Variants in PLCB1 observed in about 807,000 individuals in gnomAD.
The protein encoded by PLCB1 is 1-phosphatidylinositol 4,5-bisphosphate phosphodiesterase beta-1.
In PLCB1, 46 loss-of-function variants were observed where a neutral mutation model predicts 161.8. That is an observed-to-expected ratio of 0.28 (90% CI 0.22 to 0.36). PLCB1 has a LOEUF of 0.36. Ranked by LOEUF, PLCB1 falls within the 10% of genes least tolerant of loss-of-function variation. PLCB1 has a pLI of 1.00. For synonymous variants in PLCB1, 517 were observed against 503.7 expected (o/e 1.03, Z -0.35); for missense variants, 1,016 against 1,472.5 (o/e 0.69, Z 5.07).
At chr20:8,604,755 A>G (rs983855237) in intron 3 of PLCB1, among the ~76,000 whole-genome samples, 2 of 152,218 alleles carry the variant, frequency 1.3e-5, no homozygotes, top group Non-Finnish European at 2.9e-5. Context: ...CAAGAGGTCT[A>G]TTCACATTGC....
intron 27 of PLCB1, among the ~76,000 whole-genome samples, chr20:8,784,764 T>A (rs185915297): frequency 1.7e-3 from 257 of 152,290 alleles, no homozygotes; most frequent in Middle Eastern, 0.01. Context: ...GTTTAAAAAA[T>A]ACACCTGGAT....
At chr20:8,302,781 A>G (rs1321692034) in intron 2 of PLCB1, among the ~76,000 whole-genome samples, 7 of 152,128 alleles carry the variant, frequency 4.6e-5, no homozygotes, top group African/African-American at 1.7e-4. Flanking sequence ...TCAGAAGACA[A>G]AATTATTTCT....
intron 4 of PLCB1, among the ~76,000 whole-genome samples, chr20:8,640,396 C>G (rs1425832015): frequency 6.6e-6 from 1 of 152,124 alleles, no homozygotes; most frequent in African/African-American, 2.4e-5. Context: ...GTGATCTCTT[C>G]AAATGGAATT....
chr20:8,372,358 A>G (rs1237500985), intron 3 of PLCB1, among the ~76,000 whole-genome samples: 2 of 152,208 alleles, frequency 1.3e-5, no homozygotes, highest in Non-Finnish European at 1.5e-5. Flanking sequence ...CAAGAAAAAA[A>G]AATCACCTGG....
chr20:8,662,035 TTATATAATTA>T (rs1163082475), intron 9 of PLCB1, among the ~76,000 whole-genome samples: 5 of 59,502 alleles, frequency 8.4e-5, no homozygotes, highest in African/African-American at 3.7e-4. Context: ...CAATTATTTA[TTATATAATTA>T]TATATAATTA....
At chr20:8,756,276 T>C (rs2123560761) in intron 23 of PLCB1, among the ~76,000 whole-genome samples, 1 of 152,338 alleles carries the variant, frequency 6.6e-6, no homozygotes, top group South Asian at 2.1e-4. Context: ...AGTAAACACC[T>C]GTCTTCATCT....
intron 4 of PLCB1, 148 bp downstream of exon 4, chr20:8,628,579 C>A: frequency 1.4e-6 from 1 of 708,722 alleles, no homozygotes; most frequent in Non-Finnish European, 2.3e-6. Context: ...AGTATAAGTG[C>A]AATTAAAATA....
chr20:8,406,210 G>A (rs1243015964), intron 3 of PLCB1, among the ~76,000 whole-genome samples: 3 of 152,090 alleles, frequency 2.0e-5, no homozygotes, highest in Non-Finnish European at 4.4e-5. Context: ...TTGAAGAAAC[G>A]AAATTGCTTA....
chr20:8,698,557 A>G (rs1265648707), intron 11 of PLCB1, among the ~76,000 whole-genome samples: 3 of 152,196 alleles, frequency 2.0e-5, no homozygotes, highest in African/African-American at 4.8e-5. Context: ...GACGTCTATC[A>G]GTCAAAGACC....
intron 3 of PLCB1, among the ~76,000 whole-genome samples, chr20:8,608,023 CAAT>C (rs1288322301): frequency 6.6e-6 from 1 of 152,032 alleles, no homozygotes; most frequent in Admixed American, 6.6e-5. Context: ...ACTCGTCCAA[CAAT>C]TTTTTTAATG....
chr20:8,568,734 T>C (rs1156784813), intron 3 of PLCB1, among the ~76,000 whole-genome samples: 1 of 152,120 alleles, frequency 6.6e-6, no homozygotes, highest in Admixed American at 6.6e-5. Context: ...CCTAAGTCAT[T>C]GCACTAAAGT....
intron 3 of PLCB1, among the ~76,000 whole-genome samples, chr20:8,554,536 A>G (rs1985884962): frequency 2.0e-5 from 3 of 152,276 alleles, no homozygotes; most frequent in South Asian, 4.1e-4. Flanking sequence ...ACTTCCATTT[A>G]TATTAAGTTT....
intron 23 of PLCB1, among the ~76,000 whole-genome samples, chr20:8,749,882 C>G (rs530137902): frequency 4.6e-5 from 7 of 151,982 alleles, no homozygotes; most frequent in African/African-American, 1.7e-4. Context: ...ACTTTCAGGA[C>G]TTTGCCATTA....
chr20:8,552,994 G>C (rs1482979701), intron 3 of PLCB1, among the ~76,000 whole-genome samples: 1 of 152,092 alleles, frequency 6.6e-6, no homozygotes, highest in South Asian at 2.1e-4. Context: ...AGCTATTCCT[G>C]AGCTGTATCT....
At chr20:8,276,482 C>T (rs1383419909) in intron 2 of PLCB1, among the ~76,000 whole-genome samples, 3 of 152,164 alleles carry the variant, frequency 2.0e-5, no homozygotes, top group African/African-American at 4.8e-5. Flanking sequence ...GCACTTAATA[C>T]ATATTATCTG....
In PLCB1 at chr20:8,740,359, G is replaced by C; in HGVS notation, c.2324G>C (p.Cys775Ser). ...QAIRPGYHYI[C>S]LRNERNQPLT... ...CACCTTCCAGGCTATCACTATATCT[G>C]TCTAAGGAATGAAAGGAACCAGCCT... Residue 775 changes from cysteine to serine, a missense_variant, in exon 22 of 32, where the codon TGT (cysteine) becomes TCT (serine). Cys to Ser is a moderately radical substitution (Grantham distance 112). Coordinates refer to ENST00000338037, the MANE Select transcript of PLCB1 (RefSeq NM_015192.4). 6.2e-7 allele frequency: 1 copy of C among 1,600,230 alleles called. No individual in the cohort carries two copies. The highest frequency in any genetic ancestry group is 8.5e-7 in the Non-Finnish European group (1 of 1,170,084).
chr20:8,545,532 A>G (rs569939824), intron 3 of PLCB1, among the ~76,000 whole-genome samples: 77 of 152,318 alleles, frequency 5.1e-4, no homozygotes, highest in African/African-American at 1.8e-3. Context: ...AAATGCAATG[A>G]TTTAGGGGAG....
chr20:8,382,958 T>A (rs780442307), intron 3 of PLCB1, among the ~76,000 whole-genome samples: 8 of 152,208 alleles, frequency 5.3e-5, no homozygotes, highest in Non-Finnish European at 1.2e-4. Context: ...TCCAATTATG[T>A]AGTTGATTTT....
chr20:8,341,122 C>G (rs1985793505), intron 2 of PLCB1, among the ~76,000 whole-genome samples: 1 of 152,120 alleles, frequency 6.6e-6, no homozygotes, highest in Admixed American at 6.5e-5. Context: ...ATACACATCA[C>G]AAAGCTTCTC....
Sources: gnomAD v4.1 joint callset for allele counts (sites outside exome capture counted in the v4.1 genomes callset) on GRCh38, gnomAD v4.1.1 for gene constraint, MANE v1.5 for transcripts, NCBI Gene and HGNC (gene_info 2026-07-23, HGNC 2026-07-21) for gene names.